The following PLXDC2 variants were observed in gnomAD, a reference collection of about 807,000 sequenced individuals.
PLXDC2 encodes the protein plexin domain containing 2, also known as plexin domain-containing protein 2.
PLXDC2 carries 40 observed loss-of-function variants against 68.9 expected under a neutral mutation model. The ratio of observed to expected loss-of-function variants is 0.58; its 90% CI spans 0.45 to 0.76. The LOEUF is 0.76. PLXDC2 is among the 30% of genes least tolerant of loss of function. The pLI is 0.00. For synonymous variants in PLXDC2, 243 were observed against 234.2 expected (o/e 1.04, Z -0.34); for missense variants, 644 against 661.9 (o/e 0.97, Z 0.30).
chr10:20,039,627 A>G (rs1337895655), intron 2 of PLXDC2, among the ~76,000 whole-genome samples: 7 of 152,196 alleles, frequency 4.6e-5, no homozygotes, highest in Non-Finnish European at 1.5e-5. Context: ...CTCTTGATAT[A>G]TGTTGGCGGT....
intron 6 of PLXDC2, among the ~76,000 whole-genome samples, chr10:20,162,071 A>AGAGAGAGAGAAGGAAGGAAG (rs1834305289): frequency 2.2e-5 from 1 of 44,882 alleles, no homozygotes; most frequent in African/African-American, 8.3e-5. Context: ...AGAGAGAGAG[A>AGAGAGAGAGAAGGAAGGAAG]GAAGGAAGGA....
chr10:20,219,340 C>A (rs926651105), intron 12 of PLXDC2, among the ~76,000 whole-genome samples: 1 of 152,154 alleles, frequency 6.6e-6, no homozygotes, highest in African/African-American at 2.4e-5. Context: ...GTGGAAAATT[C>A]AACCACACAT....
chr10:20,148,702 T>G (rs1311502791), intron 6 of PLXDC2, among the ~76,000 whole-genome samples: 1 of 152,188 alleles, frequency 6.6e-6, no homozygotes, highest in African/African-American at 2.4e-5. Context: ...ACTGTGAGAA[T>G]TACTAATGAG....
chr10:20,032,721 A>C (rs1835519489), intron 2 of PLXDC2, among the ~76,000 whole-genome samples: 1 of 151,904 alleles, frequency 6.6e-6, no homozygotes. Flanking sequence ...CCTGGGATTT[A>C]TGTAGTGCTA....
rs1033398381 is a variant in PLXDC2, at chr10:20,289,384, G to A, written c.*9565G>A. ...GCTGCTGCTTTAAATCCTAGTGCTG[G>A]AATAAGTCAAGGTACTTCAGTTCAG... On this transcript the variant is annotated 3_prime_UTR_variant, in exon 14 of 14. Transcript: ENST00000377252. The A allele has an allele frequency of 6.6e-6, 1 of 152,152 alleles. No homozygotes were observed. Among genetic ancestry groups the A allele is most frequent in the African/African-American group, 2.4e-5 (1 of 41,406 alleles). The allele number at this position is 152,152 out of a possible 1,614,324, so 9.4% of individuals were successfully genotyped here.
chr10:19,828,378 A>G (rs1054943289), intron 1 of PLXDC2, among the ~76,000 whole-genome samples: 5 of 152,222 alleles, frequency 3.3e-5, no homozygotes, highest in African/African-American at 1.2e-4. Context: ...TATTTAGACT[A>G]CAGGCATTTG....
intron 3 of PLXDC2, among the ~76,000 whole-genome samples, chr10:20,048,078 C>T (rs1007696971): frequency 5.9e-5 from 9 of 152,008 alleles, no homozygotes; most frequent in African/African-American, 1.5e-4. Context: ...ACAACTTTAA[C>T]GTTTCAAGTG....
At chr10:20,211,399 C>G (rs950825887) in intron 9 of PLXDC2, among the ~76,000 whole-genome samples, 1 of 152,096 alleles carries the variant, frequency 6.6e-6, no homozygotes, top group Non-Finnish European at 1.5e-5. Flanking sequence ...GTGCAGGGAT[C>G]TAGGTATTCC....
At chr10:19,984,268 A>G (rs935367422) in intron 1 of PLXDC2, among the ~76,000 whole-genome samples, 2 of 152,070 alleles carry the variant, frequency 1.3e-5, no homozygotes, top group Non-Finnish European at 2.9e-5. Context: ...AGTGAAAGCA[A>G]GGGGGGAAGA....
rs1421145872 is a variant in PLXDC2 at position 20,185,513 on chromosome 10, C to A, written c.1061+8104C>A. Among the ~76,000 whole-genome samples, 6 of 151,910 alleles carry A rather than the reference C, an allele frequency of 3.9e-5. No homozygotes were observed. In the South Asian group the frequency reaches 1.2e-3, roughly 31 times the overall value. On this transcript the variant is annotated intron_variant, in intron 9 of 13. Transcript: ENST00000377252. ...AGATTGAAAGGAGAGAATTAGGACA[C>A]CACAATTGTTGAATGACAAGCCAGA...
intron 12 of PLXDC2, among the ~76,000 whole-genome samples, chr10:20,236,611 T>C (rs749179985): frequency 2.6e-5 from 4 of 152,190 alleles, no homozygotes; most frequent in Non-Finnish European, 5.9e-5. Context: ...AGAGCACATA[T>C]ACACATAAGA....
chr10:19,912,110 G>A (rs1472011727), intron 1 of PLXDC2, among the ~76,000 whole-genome samples: 1 of 152,276 alleles, frequency 6.6e-6, no homozygotes, highest in Middle Eastern at 3.4e-3. Flanking sequence ...TGGACGAACA[G>A]CCCTGAAGCA....
chr10:20,109,952 TA>T (rs1833537479), intron 4 of PLXDC2, among the ~76,000 whole-genome samples: 1 of 152,176 alleles, frequency 6.6e-6, no homozygotes, highest in Non-Finnish European at 1.5e-5. Flanking sequence ...GGAGAGGTAA[TA>T]AAAGCTGAAT....
intron 9 of PLXDC2, among the ~76,000 whole-genome samples, chr10:20,201,722 A>G (rs1014849514): frequency 1.3e-5 from 2 of 152,120 alleles, no homozygotes; most frequent in Non-Finnish European, 2.9e-5. Flanking sequence ...TTAAAACATA[A>G]CTACATACCC....
intron 6 of PLXDC2, among the ~76,000 whole-genome samples, chr10:20,163,418 ATATTATATATTCTCTCCCACT>A (rs1351706903): frequency 3.3e-5 from 5 of 150,584 alleles, no homozygotes; most frequent in South Asian, 2.1e-4. Context: ...GTATTGTATT[ATATTATATATTCTCTCCCACT>A]TATTATATAT....
rs1836456493 is a variant in PLXDC2, at chr10:20,076,670, A to G, written c.541+8431A>G. ...GACCTCATTCATTAGATTTCTCTCCATAAAGCATAGAAGGGGTCTCAAGGA... is the reference window on the plus strand; with the variant it reads ...GACCTCATTCATTAGATTTCTCTCCGTAAAGCATAGAAGGGGTCTCAAGGA... On this transcript the variant is annotated intron_variant, in intron 4 of 13. Transcript: ENST00000377252. 2.0e-5 allele frequency among the ~76,000 whole-genome samples: 3 copies of G among 152,228 alleles called. No homozygotes were observed. The South Asian group carries it at 6.2e-4, about 32-fold the overall frequency.
At chr10:20,026,765 AT>A (rs1490238982) in intron 2 of PLXDC2, among the ~76,000 whole-genome samples, 1 of 150,464 alleles carries the variant, frequency 6.6e-6, no homozygotes, top group Non-Finnish European at 1.5e-5. Flanking sequence ...ACTAAGTCTT[AT>A]GTATAATTAG....
intron 7 of PLXDC2, among the ~76,000 whole-genome samples, chr10:20,174,528 A>G (rs1484664500): frequency 6.6e-6 from 1 of 152,090 alleles, no homozygotes; most frequent in Non-Finnish European, 1.5e-5. Flanking sequence ...TCCTAGCCCC[A>G]AAAGGGTTTG....
chr10:20,203,721 A>T (rs1834952278), intron 9 of PLXDC2, among the ~76,000 whole-genome samples: 2 of 152,152 alleles, frequency 1.3e-5, no homozygotes, highest in African/African-American at 4.8e-5. Context: ...AGATTCTAGA[A>T]AACTAGAGGA....
Sources: gnomAD v4.1 joint callset for allele counts (sites outside exome capture counted in the v4.1 genomes callset) on GRCh38, gnomAD v4.1.1 for gene constraint, MANE v1.5 for transcripts, NCBI Gene and HGNC (gene_info 2026-07-23, HGNC 2026-07-21) for gene names.